The following HOOK3 variants were observed in gnomAD, a reference collection of about 807,000 sequenced individuals.
HOOK3 encodes the protein hook microtubule tethering protein 3, also known as protein Hook homolog 3.
Under a neutral mutation model 116.3 loss-of-function variants are expected in HOOK3, and 24 were observed. That is an observed-to-expected ratio of 0.21 (90% confidence interval 0.15 to 0.29). HOOK3 has a LOEUF of 0.29. HOOK3 is among the 10% of genes least tolerant of loss of function. The probability of loss-of-function intolerance (pLI) is 1.00; values close to 1 mark genes in which losing one functional copy is unlikely to be tolerated. For synonymous variants in HOOK3, 275 were observed against 283.0 expected, an observed-to-expected ratio of 0.97 and a Z score of 0.28; for missense variants, 632 against 830.2, an observed-to-expected ratio of 0.76 and a Z score of 2.93.
At chr8:42,927,138 C>T (rs762561526) in intron 3 of HOOK3, among the ~76,000 whole-genome samples, 54 of 151,782 alleles carry the variant, frequency 3.6e-4, no homozygotes, top group Non-Finnish European at 6.3e-4. Flanking sequence ...CCCCAAGAAA[C>T]ATGTTTGATA....
chr8:42,903,931 G>C (rs1340917183), intron 1 of HOOK3, among the ~76,000 whole-genome samples: 1 of 151,882 alleles, frequency 6.6e-6, no homozygotes, highest in African/African-American at 2.4e-5. Context: ...ACTCCAGCCT[G>C]GGCGACAGAG....
intron 15 of HOOK3, among the ~76,000 whole-genome samples, chr8:42,989,211 T>C (rs906809421): frequency 1.3e-5 from 2 of 152,196 alleles, no homozygotes; most frequent in African/African-American, 4.8e-5. Flanking sequence ...TTTCTGTACC[T>C]CTCAGACTGT....
intron 10 of HOOK3, among the ~76,000 whole-genome samples, chr8:42,967,610 T>TA (rs1808655472): frequency 6.6e-6 from 1 of 152,070 alleles, no homozygotes; most frequent in Non-Finnish European, 1.5e-5. Flanking sequence ...AGGGAGTTAT[T>TA]ACTCTCTCCT....
chr8:42,906,070 G>C, intron 1 of HOOK3, 103 bp from the exon 2 acceptor site: 1 of 814,132 alleles, frequency 1.2e-6, no homozygotes, highest in South Asian at 1.5e-5. Flanking sequence ...CTGGGTGACA[G>C]GGCTAGACTC....
At position 42,943,321 on chromosome 8, in the gene HOOK3, A is replaced by G; in HGVS notation, c.276A>G (p.Gly92=). The stretch of plus-strand genomic sequence containing the variant: ...CTTTTATCTCCATTCAGATTTTAGG[A>G]CAGCAAATTAATGACTTTACCCTTC... The part of the protein sequence containing the change: ...GILDYNHEIL[G]QQINDFTLPD... Residue 92 remains glycine, a synonymous_variant, in exon 5 of 22, where the codon GGA becomes GGG. Coordinates refer to ENST00000307602, the MANE Select transcript of HOOK3 (RefSeq NM_032410.4). 6.7e-7 allele frequency: 1 copy of G among 1,490,370 alleles called. No homozygotes were observed. Among genetic ancestry groups the G allele is most frequent in the South Asian group, 1.5e-5 (1 of 68,716 alleles). 92.3% of individuals were successfully genotyped at this position (1,490,370 alleles called of 1,614,324 possible).
At chr8:42,967,284 A>ATGAC (rs1808648764) in intron 10 of HOOK3, among the ~76,000 whole-genome samples, 1 of 151,726 alleles carries the variant, frequency 6.6e-6, no homozygotes, top group Non-Finnish European at 1.5e-5. Context: ...CACACCTCCC[A>ATGAC]TGACTTAGTC....
chr8:43,015,761 C>T (rs1809700452), intron 21 of HOOK3, among the ~76,000 whole-genome samples: 1 of 151,974 alleles, frequency 6.6e-6, no homozygotes, highest in South Asian at 2.1e-4. Context: ...CTTTGTCACC[C>T]AGGCTGGAGT....
rs776648385 is a variant in HOOK3 at position 42,973,321 on chromosome 8, A to G, written c.1155A>G (p.Glu385=). The change falls in exon 12 of 22, where the codon GAA becomes GAG. Residue 385 remains glutamate (E), a synonymous_variant. Transcript: ENST00000307602. The part of the protein sequence containing the change: ...VVELQNRLSE[E]SKKADKLDFE... ...AACTACAAAACAGATTATCCGAAGAATCAAAGAAAGCAGATAAACTAGATT... is the reference window on the plus strand; with the variant it reads ...AACTACAAAACAGATTATCCGAAGAGTCAAAGAAAGCAGATAAACTAGATT... The G allele has an allele frequency of 2.2e-5, 35 of 1,612,332 alleles. No homozygotes were observed. The highest frequency in any genetic ancestry group is 2.9e-5 in the Non-Finnish European group (34 of 1,179,492).
chr8:42,962,510 G>A (rs931723543), intron 8 of HOOK3, among the ~76,000 whole-genome samples: 2 of 150,676 alleles, frequency 1.3e-5, no homozygotes, highest in Non-Finnish European at 1.5e-5. Context: ...GGACTCGAGT[G>A]ATCCTCCTGC....
chr8:42,957,235 A>T (rs1808453408), intron 7 of HOOK3, 79 bp downstream of exon 7: 2 of 745,808 alleles, frequency 2.7e-6, no homozygotes, highest in Non-Finnish European at 4.2e-6. Context: ...AGAATGGGTT[A>T]AAATTGCTTT....
intron 13 of HOOK3, among the ~76,000 whole-genome samples, chr8:42,976,147 G>C (rs1052738252): frequency 6.6e-6 from 1 of 151,802 alleles, no homozygotes; most frequent in African/African-American, 2.4e-5. Context: ...AATTGCTTTG[G>C]GCAGACAATT....
At chr8:42,982,288 A>G (rs982378782) in intron 13 of HOOK3, among the ~76,000 whole-genome samples, 1 of 151,270 alleles carries the variant, frequency 6.6e-6, no homozygotes, top group African/African-American at 2.4e-5. Flanking sequence ...AAAAAGAAAA[A>G]AGGTAGAATA....
Position 43,023,428 on chromosome 8 carries a change from T to C in HOOK3, c.*4930T>C, listed in dbSNP as rs1315779043. On this transcript the variant is annotated 3_prime_UTR_variant, in exon 22 of 22. Coordinates refer to ENST00000307602, the MANE Select transcript of HOOK3 (RefSeq NM_032410.4). ...TTCCTTCCTTCCTTCCTTCCCTTCT[T>C]TTCTTTTTTCTTTTCTTTTCTTTTC... 1.2e-5 allele frequency: 2 copies of C among 168,666 alleles called. No individual in the cohort carries two copies. The highest frequency in any genetic ancestry group is 2.0e-4 in the South Asian group (1 of 4,920). 10.4% of individuals were successfully genotyped at this position (168,666 alleles called of 1,614,324 possible). A position where few individuals can be genotyped will look rare whatever the true frequency, so the allele number is the denominator to read the frequency against.
Position 42,997,595 on chromosome 8 carries a change from A to G in HOOK3, c.1578A>G (p.Glu526=). Residue 526 remains glutamate, a synonymous_variant, in exon 16 of 22, where the codon GAA becomes GAG. Transcript: ENST00000307602. ...TGGAAGTACAGTCACAAGTTGAAGAATTACAAAAATCTTTACAGGATCAAG... is the reference window on the plus strand; with the variant it reads ...TGGAAGTACAGTCACAAGTTGAAGAGTTACAAAAATCTTTACAGGATCAAG... The part of the protein sequence containing the change: ...RLLEVQSQVE[E]LQKSLQDQGS... 1.2e-6 allele frequency: 2 copies of G among 1,611,190 alleles called. No homozygotes were observed. Among genetic ancestry groups the G allele is most frequent in the Non-Finnish European group, 8.5e-7 (1 of 1,177,742 alleles).
chr8:43,008,667 T>TTATTTA (rs71550439), intron 18 of HOOK3, among the ~76,000 whole-genome samples: 245 of 146,360 alleles, frequency 1.7e-3, no homozygotes, highest in Admixed American at 2.1e-3. Flanking sequence ...ATTTTTATTT[T>TTATTTA]TTTTTTTTTT....
intron 5 of HOOK3, among the ~76,000 whole-genome samples, chr8:42,945,967 A>G (rs1279344362): frequency 6.6e-6 from 1 of 152,190 alleles, no homozygotes; most frequent in Non-Finnish European, 1.5e-5. Context: ...ATCTAATCTT[A>G]AATAGCTTTT....
At chr8:42,918,968 G>A (rs1434688259) in intron 2 of HOOK3, among the ~76,000 whole-genome samples, 1 of 150,334 alleles carries the variant, frequency 6.7e-6, no homozygotes, top group Non-Finnish European at 1.5e-5. Context: ...CGGGCAGAGG[G>A]GCTCCTCACT....
rs1809965354 is a variant in HOOK3 at position 43,028,014 on chromosome 8, T to G, written c.*9516T>G. ...GAGAAAGTTTTTCTGTTATAAAAAT[T>G]AATACTAATCCTTTTTAAAGACCTT... is the stretch of plus-strand genomic sequence containing the variant. On this transcript the variant is annotated 3_prime_UTR_variant, in exon 22 of 22. Transcript: ENST00000307602. 5.2e-6 allele frequency: 1 copy of G among 193,422 alleles called. No individual in the cohort carries two copies. Among genetic ancestry groups the G allele is most frequent in the Non-Finnish European group, 1.1e-5 (1 of 92,756 alleles). 12.0% of individuals were successfully genotyped at this position (193,422 alleles called of 1,614,324 possible).
intron 16 of HOOK3, chr8:43,001,175 TAG>T (rs1809373842): frequency 6.6e-6 from 1 of 151,854 alleles, no homozygotes; most frequent in African/African-American, 2.4e-5. Context: ...GAAGCGGTGA[TAG>T]AGGACATGTG....
Sources: gnomAD v4.1 joint callset for allele counts (sites outside exome capture counted in the v4.1 genomes callset) on GRCh38, gnomAD v4.1.1 for gene constraint, MANE v1.5 for transcripts, NCBI Gene and HGNC (gene_info 2026-07-23, HGNC 2026-07-21) for gene names.